The following BACE2 variants were observed in gnomAD, a reference collection of about 807,000 sequenced individuals.
BACE2 encodes beta-secretase 2.
BACE2 carries 17 observed loss-of-function variants against 46.2 expected under a neutral mutation model. That is an observed-to-expected ratio of 0.37 (90% confidence interval 0.25 to 0.55). BACE2 has a LOEUF of 0.55. Ranked by LOEUF, BACE2 falls within the 20% of genes least tolerant of loss-of-function variation. The pLI, the probability that BACE2 is intolerant of heterozygous loss-of-function variation, is 0.82. For synonymous variants in BACE2, 277 were observed against 295.9 expected, an observed-to-expected ratio of 0.94 and a Z score of 0.66; for missense variants, 595 against 698.1, an observed-to-expected ratio of 0.85 and a Z score of 1.66.
intron 1 of BACE2, among the ~76,000 whole-genome samples, chr21:41,203,118 G>A (rs1254126087): frequency 6.6e-6 from 1 of 152,138 alleles, no homozygotes; most frequent in Non-Finnish European, 1.5e-5. Flanking sequence ...TGCCTTCTTG[G>A]AGCTTACTCT....
rs2088503135 is a variant in BACE2, at chr21:41,277,458, C to G, written c.*1834C>G. 6.6e-6 allele frequency: 1 copy of G among 152,188 alleles called. No homozygotes were observed. The highest frequency in any genetic ancestry group is 2.1e-4 in the South Asian group (1 of 4,828). 9.4% of individuals were successfully genotyped at this position (152,188 alleles called of 1,614,324 possible). Reference sequence around the variant, plus strand: ...TCTCAGCTTGTTGAAAACTCATAATCTCAGAATGCATTTCACACGGAGAGA... The same window carrying G: ...TCTCAGCTTGTTGAAAACTCATAATGTCAGAATGCATTTCACACGGAGAGA... On this transcript the variant is annotated 3_prime_UTR_variant, in exon 9 of 9. Transcript: ENST00000330333.
At chr21:41,228,019 C>T (rs984176416) in intron 2 of BACE2, among the ~76,000 whole-genome samples, 3 of 152,196 alleles carry the variant, frequency 2.0e-5, no homozygotes, top group Admixed American at 1.3e-4. Flanking sequence ...TTCAGAGAGA[C>T]AGGGGACTTG....
At chr21:41,265,114 C>T (rs1490515568) in intron 8 of BACE2, among the ~76,000 whole-genome samples, 4 of 147,504 alleles carry the variant, frequency 2.7e-5, no homozygotes, top group Non-Finnish European at 4.4e-5. Context: ...TTAGAAGGTA[C>T]GATATAGCAC....
At chr21:41,217,439 C>T (rs987682468) in intron 1 of BACE2, among the ~76,000 whole-genome samples, 3 of 152,176 alleles carry the variant, frequency 2.0e-5, no homozygotes, top group African/African-American at 7.2e-5. Context: ...TTACCCCCCT[C>T]CTTTCCCTCT....
intron 8 of BACE2, among the ~76,000 whole-genome samples, chr21:41,258,618 G>T (rs1330825721): frequency 6.6e-6 from 1 of 152,170 alleles, no homozygotes; most frequent in East Asian, 1.9e-4. Flanking sequence ...TAGCAGAGTG[G>T]CCTTTCAGAA....
intron 8 of BACE2, among the ~76,000 whole-genome samples, chr21:41,268,453 GC>G (rs2088401358): frequency 6.6e-6 from 1 of 152,176 alleles, no homozygotes; most frequent in South Asian, 2.1e-4. Flanking sequence ...CCTGGAAAAA[GC>G]CCCCAGAAGG....
chr21:41,238,616 T>C lies in BACE2; in HGVS notation c.618+887T>C, dbSNP rs953526793. On this transcript the variant is annotated intron_variant, in intron 3 of 8. Transcript: ENST00000330333. The stretch of plus-strand genomic sequence containing the variant: ...GGCACCTATACACCATGGAATACTA[T>C]GCAGCCATAAAAAATGATGAGTTCA... 1.7e-4 allele frequency among the ~76,000 whole-genome samples: 26 copies of C among 152,066 alleles called. 1 individual carries two copies. Among genetic ancestry groups the C allele is most frequent in the Admixed American group, 2.0e-4 (3 of 15,270 alleles).
At chr21:41,183,007 C>G (rs1351947313) in intron 1 of BACE2, 1 of 166,422 alleles carries the variant, frequency 6.0e-6, no homozygotes, top group Admixed American at 6.5e-5. Context: ...GAATACATTT[C>G]TTTAGCACAT....
intron 2 of BACE2, among the ~76,000 whole-genome samples, chr21:41,229,007 G>A (rs59760478): frequency 0.11 from 16,353 of 152,258 alleles, 1,042 homozygotes; most frequent in African/African-American, 0.16. Context: ...TTGGAAAGTG[G>A]TGTGGGATGG....
chr21:41,174,138 C>CTTTTTTT (rs1568853912), intron 1 of BACE2, among the ~76,000 whole-genome samples: 18 of 70,636 alleles, frequency 2.5e-4, no homozygotes, highest in Admixed American at 1.1e-3. Flanking sequence ...TGATCAGTGG[C>CTTTTTTT]CTTTTTTTTT....
At chr21:41,170,318 T>C (rs1363023510) in intron 1 of BACE2, among the ~76,000 whole-genome samples, 1 of 152,194 alleles carries the variant, frequency 6.6e-6, no homozygotes, top group African/African-American at 2.4e-5. Flanking sequence ...CAGAAATGTA[T>C]TGAGTACCTA....
chr21:41,249,303 G>A (rs1441854041), intron 6 of BACE2, among the ~76,000 whole-genome samples: 2 of 150,176 alleles, frequency 1.3e-5, no homozygotes, highest in Admixed American at 6.6e-5. Flanking sequence ...TGTACACTTG[G>A]CCTCAGGGGA....
At chr21:41,268,799 GT>G (rs201450626) in intron 8 of BACE2, among the ~76,000 whole-genome samples, 5 of 151,956 alleles carry the variant, frequency 3.3e-5, no homozygotes, top group Admixed American at 3.3e-4. Context: ...ATTTTATTGG[GT>G]TTTTTTGCAT....
At chr21:41,274,144 T>C (rs1042229366) in intron 8 of BACE2, among the ~76,000 whole-genome samples, 3 of 152,008 alleles carry the variant, frequency 2.0e-5, no homozygotes, top group Non-Finnish European at 4.4e-5. Context: ...AATGGGAGTA[T>C]AGATTGACTG....
intron 2 of BACE2, among the ~76,000 whole-genome samples, chr21:41,235,704 T>C (rs1987097913): frequency 6.6e-6 from 1 of 152,110 alleles, no homozygotes; most frequent in Non-Finnish European, 1.5e-5. Context: ...TAGTTGGGCT[T>C]GATGGTGTGC....
chr21:41,198,482 C>T (rs1985819980), intron 1 of BACE2, among the ~76,000 whole-genome samples: 1 of 152,192 alleles, frequency 6.6e-6, no homozygotes, highest in African/African-American at 2.4e-5. Flanking sequence ...TGCTCAGGAG[C>T]GATGCATTCA....
intron 2 of BACE2, among the ~76,000 whole-genome samples, chr21:41,233,126 C>T (rs1220263942): frequency 6.6e-6 from 1 of 152,170 alleles, no homozygotes; most frequent in Non-Finnish European, 1.5e-5. Context: ...CCTCGCCTCC[C>T]AAAGTGCTGG....
chr21:41,251,079 G>A (rs575833649), intron 7 of BACE2, among the ~76,000 whole-genome samples, 178 bp downstream of exon 7: 5 of 152,308 alleles, frequency 3.3e-5, no homozygotes, highest in Middle Eastern at 3.4e-3. Flanking sequence ...TCCCTTGGCC[G>A]GGCTCACTCA....
intron 1 of BACE2, among the ~76,000 whole-genome samples, chr21:41,215,642 G>C (rs1490959005): frequency 2.0e-5 from 3 of 152,312 alleles, no homozygotes; most frequent in East Asian, 1.9e-4. Context: ...GACTTCTATG[G>C]GAGGCTCCCT....
Sources: allele counts gnomAD v4.1 joint callset (sites outside exome capture counted in the v4.1 genomes callset), GRCh38; gene constraint gnomAD v4.1.1; transcripts MANE v1.5; gene names NCBI Gene and HGNC (gene_info 2026-07-23, HGNC 2026-07-21).